DLG2: variants seen among roughly 807,000 people sequenced by gnomAD.
DLG2 encodes discs large MAGUK scaffold protein 2, also known as disks large homolog 2.
DLG2 carries 45 observed loss-of-function variants against 132.5 expected under a neutral mutation model. The observed-to-expected ratio is 0.34, with a 90% confidence interval of 0.27 to 0.44. The LOEUF (loss-of-function observed/expected upper bound fraction) is 0.44. Ranked by LOEUF, DLG2 falls within the 20% of genes least tolerant of loss-of-function variation. DLG2 has a pLI of 1.00. For missense variants in DLG2, 1,045 were observed against 1,196.9 expected (o/e 0.87, Z 1.87); for synonymous variants, 424 against 419.6 (o/e 1.01, Z -0.13).
chr11:84,742,784 T>C (rs1340730652), intron 6 of DLG2, among the ~76,000 whole-genome samples: 1 of 152,062 alleles, frequency 6.6e-6, no homozygotes, highest in Non-Finnish European at 1.5e-5. Context: ...GCCCAAAAAA[T>C]CCTCTTTATT....
intron 6 of DLG2, among the ~76,000 whole-genome samples, chr11:85,074,907 T>C (rs931570200): frequency 6.6e-6 from 1 of 151,878 alleles, no homozygotes; most frequent in African/African-American, 2.4e-5. Flanking sequence ...TCTATGGCAA[T>C]AGGCCCTCAC....
chr11:84,652,322 G>C (rs900839660), intron 6 of DLG2, among the ~76,000 whole-genome samples: 1 of 152,122 alleles, frequency 6.6e-6, no homozygotes. Context: ...AGATATACAA[G>C]AGTTATTTAA....
At chr11:83,648,083 C>T (rs946724192) in intron 18 of DLG2, 1 of 152,084 alleles carries the variant, frequency 6.6e-6, no homozygotes, top group Admixed American at 6.6e-5. Context: ...TCTATTAATC[C>T]ATTTACAGCA....
chr11:84,825,487 T>C (rs1039371119), intron 6 of DLG2, among the ~76,000 whole-genome samples: 1 of 151,902 alleles, frequency 6.6e-6, no homozygotes, highest in African/African-American at 2.4e-5. Flanking sequence ...ATTTAAAAAA[T>C]CCAAAAGCAA....
In DLG2 at chr11:84,395,469, T is replaced by G. The variant is rs560272327; in HGVS notation, c.519+139101A>C. 5.9e-5 allele frequency among the ~76,000 whole-genome samples: 9 copies of G among 152,200 alleles called. No homozygotes were observed. In the South Asian group the frequency reaches 1.9e-3, roughly 32 times the overall value. ...TCTCATTCTGTCACCCAGGCTGGAG[T>G]GCAGTGTTGTGATCTCGGCTCACTG... On this transcript the variant is annotated intron_variant, in intron 7 of 27. Coordinates refer to ENST00000376104, the MANE Select transcript of DLG2 (RefSeq NM_001142699.3).
At chr11:84,415,716 A>T (rs1350694660) in intron 7 of DLG2, among the ~76,000 whole-genome samples, 1 of 152,190 alleles carries the variant, frequency 6.6e-6, no homozygotes, top group East Asian at 1.9e-4. Context: ...TCAAGATGGT[A>T]ATCAGTGGGC....
chr11:83,687,629 G>A (rs918138896), intron 18 of DLG2, among the ~76,000 whole-genome samples: 21 of 151,720 alleles, frequency 1.4e-4, no homozygotes, highest in Middle Eastern at 3.4e-3. Context: ...GATTTTTTTC[G>A]TAAATTTTTA....
At position 84,534,737 on chromosome 11, in the gene DLG2, A is replaced by G. The variant is rs1437538330; in HGVS notation, c.358-6T>C. 1 of 1,613,420 alleles carries G rather than the reference A, an allele frequency of 6.2e-7. No individual in the cohort carries two copies. The highest frequency in any genetic ancestry group is 8.5e-7 in the Non-Finnish European group (1 of 1,179,488). The stretch of plus-strand genomic sequence containing the variant: ...TCATCTTGATATCGATACTTCTAGG[A>G]GAAAAGAAAAGAAAGGACAAGTATG... On this transcript the variant is annotated splice_region_variant and splice_polypyrimidine_tract_variant and intron_variant, in intron 6 of 27. Coordinates refer to ENST00000376104, the MANE Select transcript of DLG2 (RefSeq NM_001142699.3).
intron 18 of DLG2, among the ~76,000 whole-genome samples, chr11:83,659,001 G>A (rs1480080027): frequency 2.6e-5 from 4 of 152,176 alleles, no homozygotes; most frequent in African/African-American, 9.7e-5. Flanking sequence ...AGGTCCTCCT[G>A]TCCAGATATG....
intron 7 of DLG2, among the ~76,000 whole-genome samples, chr11:84,395,039 C>T (rs2098806617): frequency 6.6e-6 from 1 of 152,176 alleles, no homozygotes; most frequent in African/African-American, 2.4e-5. Flanking sequence ...TATTTCCCAT[C>T]TTTTTGCCTC....
At chr11:84,053,708 C>T (rs1025671771) in intron 11 of DLG2, among the ~76,000 whole-genome samples, 5 of 151,886 alleles carry the variant, frequency 3.3e-5, no homozygotes, top group Admixed American at 1.3e-4. Context: ...TATCTTTGTT[C>T]TAGGCTCATG....
chr11:85,389,635 A>C (rs1271360402), intron 3 of DLG2, among the ~76,000 whole-genome samples: 1 of 152,150 alleles, frequency 6.6e-6, no homozygotes, highest in East Asian at 1.9e-4. Context: ...TATAAAGGAA[A>C]CCCTATCAGA....
At chr11:85,098,638 G>A (rs985327473) in intron 6 of DLG2, among the ~76,000 whole-genome samples, 4 of 152,088 alleles carry the variant, frequency 2.6e-5, no homozygotes, top group African/African-American at 7.2e-5. Context: ...TTTCAACAAA[G>A]TATTAGCATC....
intron 6 of DLG2, among the ~76,000 whole-genome samples, chr11:84,946,083 C>T (rs114054831): frequency 0.019 from 2,961 of 152,224 alleles, 111 homozygotes; most frequent in African/African-American, 0.068. Flanking sequence ...TGAATGCTGA[C>T]AGCCCTGTGC....
At chr11:84,764,451 TAG>T (rs2068100636) in intron 6 of DLG2, among the ~76,000 whole-genome samples, 1 of 152,134 alleles carries the variant, frequency 6.6e-6, no homozygotes, top group African/African-American at 2.4e-5. Flanking sequence ...AACATTTACA[TAG>T]TGCTCATTTT....
intron 11 of DLG2, 68 bp from the exon 12 acceptor site, chr11:83,980,710 T>A: frequency 7.1e-7 from 1 of 1,403,844 alleles, no homozygotes; most frequent in Non-Finnish European, 9.4e-7. Flanking sequence ...AAAATGCAGT[T>A]AGCCACATTT....
In DLG2 at chr11:84,710,219, T is replaced by C. The variant is rs181438048; in HGVS notation, c.358-175488A>G. ...GTCCAATCTGCTTTGTGAGTTGTTT[T>C]TCCCATGTACATTTCTTAGTACTAG... On this transcript the variant is annotated intron_variant, in intron 6 of 27. Coordinates refer to ENST00000376104, the MANE Select transcript of DLG2 (RefSeq NM_001142699.3). Among the ~76,000 whole-genome samples, 893 of 152,110 alleles carry C rather than the reference T, an allele frequency of 5.9e-3. 4 individuals are homozygous for C. The highest frequency in any genetic ancestry group is 0.01 in the Non-Finnish European group (688 of 67,912).
intron 17 of DLG2, among the ~76,000 whole-genome samples, chr11:83,806,378 T>C (rs2045912507): frequency 6.6e-6 from 1 of 152,126 alleles, no homozygotes; most frequent in Admixed American, 6.6e-5. Flanking sequence ...ACAAATTAAC[T>C]CTATACACTT....
chr11:85,301,229 C>A (rs1049387915), intron 3 of DLG2, among the ~76,000 whole-genome samples: 2 of 151,866 alleles, frequency 1.3e-5, no homozygotes, highest in Non-Finnish European at 2.9e-5. Flanking sequence ...AAAAACAACT[C>A]ATTAGAGAAG....
Sources: allele counts gnomAD v4.1 joint callset (sites outside exome capture counted in the v4.1 genomes callset), GRCh38; gene constraint gnomAD v4.1.1; transcripts MANE v1.5; gene names NCBI Gene and HGNC (gene_info 2026-07-23, HGNC 2026-07-21).